Variants in CNTLN observed in about 807,000 individuals in gnomAD.
CNTLN encodes centlein.
CNTLN carries 212 observed loss-of-function variants against 180.0 expected under a neutral mutation model. The ratio of observed to expected loss-of-function variants is 1.18; its 90% CI spans 1.05 to 1.32. The LOEUF (loss-of-function observed/expected upper bound fraction) is 1.32, where lower values mean the gene tolerates loss of function less well. Ranked by LOEUF, CNTLN falls within the 40% of genes most tolerant of loss-of-function variation. CNTLN has a pLI of 0.00. For synonymous variants in CNTLN, 722 were observed against 563.1 expected (o/e 1.28, Z -3.99); for missense variants, 2,095 against 1,610.9 (o/e 1.30, Z -5.14).
intron 13 of CNTLN, among the ~76,000 whole-genome samples, chr9:17,370,050 C>G (rs370963674): frequency 1.3e-5 from 2 of 149,738 alleles, no homozygotes; most frequent in African/African-American, 4.9e-5. Context: ...AGCATGCCTA[C>G]AAGATTAATG....
chr9:17,237,510 T>G (rs926595648), intron 5 of CNTLN, among the ~76,000 whole-genome samples: 8 of 150,840 alleles, frequency 5.3e-5, no homozygotes, highest in African/African-American at 2.0e-4. Flanking sequence ...AAAGTAACAA[T>G]ACAATAATTA....
chr9:17,198,988 A>G (rs995605207), intron 2 of CNTLN, among the ~76,000 whole-genome samples: 4 of 152,124 alleles, frequency 2.6e-5, no homozygotes, highest in African/African-American at 9.7e-5. Context: ...TACAATAAAC[A>G]TACATGTGCA....
intron 6 of CNTLN, among the ~76,000 whole-genome samples, chr9:17,291,842 G>T (rs532231564): frequency 6.6e-6 from 1 of 152,198 alleles, no homozygotes; most frequent in Admixed American, 6.5e-5. Context: ...ATTTGATCCT[G>T]TTATGATGGT....
At chr9:17,261,931 TCTC>T (rs1196248109) in intron 5 of CNTLN, among the ~76,000 whole-genome samples, 1 of 151,474 alleles carries the variant, frequency 6.6e-6, no homozygotes, top group Non-Finnish European at 1.5e-5. Flanking sequence ...AACAGACACT[TCTC>T]CTTCAAAAGT....
the CNTLN span, among the ~76,000 whole-genome samples, chr9:17,521,007 A>G: frequency 6.6e-6 from 1 of 152,204 alleles, no homozygotes; most frequent in East Asian, 1.9e-4. Context: ...TACTTGCACT[A>G]GAATTGAAAA....
intron 2 of CNTLN, among the ~76,000 whole-genome samples, chr9:17,149,512 C>CTTTTTTTTTTTTTTTTTTTTTTTTT (rs55691769): frequency 1.9e-5 from 2 of 106,156 alleles, no homozygotes; most frequent in African/African-American, 3.8e-5. Context: ...TTCTTTCTTT[C>CTTTTTTTTTTTTTTTTTTTTTTTTT]TTTTTTTTTT....
chr9:17,287,932 A>G (rs1316750985), intron 6 of CNTLN, among the ~76,000 whole-genome samples: 4 of 142,944 alleles, frequency 2.8e-5, no homozygotes, highest in Non-Finnish European at 4.5e-5. Flanking sequence ...TGGTCTATCA[A>G]TTTTGTTGAT....
chr9:17,432,532 A>G (rs1037208542), intron 18 of CNTLN, among the ~76,000 whole-genome samples: 5 of 152,206 alleles, frequency 3.3e-5, no homozygotes, highest in Admixed American at 2.0e-4. Context: ...GGGAAAAAGA[A>G]GGTCTGTCAT....
intron 25 of CNTLN, among the ~76,000 whole-genome samples, chr9:17,489,759 C>G (rs547330609): frequency 6.6e-6 from 1 of 152,068 alleles, no homozygotes; most frequent in Non-Finnish European, 1.5e-5. Flanking sequence ...TGATACAGAA[C>G]TCAGATATAT....
chr9:17,518,826 T>C, the CNTLN span, among the ~76,000 whole-genome samples: 2 of 152,200 alleles, frequency 1.3e-5, no homozygotes, highest in African/African-American at 4.8e-5. Context: ...CTCTGGGAGC[T>C]GGGACCCCAA....
chr9:17,408,158 A>AACAG (rs1827551413), intron 15 of CNTLN, among the ~76,000 whole-genome samples: 1 of 137,010 alleles, frequency 7.3e-6, no homozygotes, highest in Non-Finnish European at 1.5e-5. Flanking sequence ...AAAAAGACCA[A>AACAG]GGAGATAAGG....
At chr9:17,354,198 C>A (rs111286288) in intron 12 of CNTLN, among the ~76,000 whole-genome samples, 4 of 152,320 alleles carry the variant, frequency 2.6e-5, no homozygotes, top group Admixed American at 2.6e-4. Context: ...ACCTGCAGCC[C>A]GCCATGCCTG....
At chr9:17,295,406 C>G (rs1382265307) in intron 6 of CNTLN, among the ~76,000 whole-genome samples, 2 of 152,206 alleles carry the variant, frequency 1.3e-5, no homozygotes, top group African/African-American at 4.8e-5. Flanking sequence ...AGGTCGATCA[C>G]TCACCATTTC....
chr9:17,177,674 C>G (rs1820810675), intron 2 of CNTLN, among the ~76,000 whole-genome samples: 1 of 151,684 alleles, frequency 6.6e-6, no homozygotes, highest in South Asian at 2.1e-4. Context: ...GGCAGCACAT[C>G]CGGAGTTGTT....
intron 2 of CNTLN, among the ~76,000 whole-genome samples, chr9:17,215,296 G>T (rs1823658183): frequency 6.6e-6 from 1 of 152,246 alleles, no homozygotes; most frequent in Non-Finnish European, 1.5e-5. Context: ...CTGCATGTCT[G>T]TTGGAGTTTA....
rs1020390553 is a variant in CNTLN, at chr9:17,252,685, T to G, written c.849+16097T>G. 3.3e-5 allele frequency among the ~76,000 whole-genome samples: 5 copies of G among 151,862 alleles called. No individual in the cohort carries two copies. In the South Asian group the frequency reaches 1.0e-3, roughly 31 times the overall value. ...AGTATTTTAACTCATTCAAAAGGTT[T>G]CTTGCTACTTTGAAGATTGTCTGTT... On this transcript the variant is annotated intron_variant, in intron 5 of 25. Transcript: ENST00000380647.
chr9:17,261,485 G>A (rs916608874), intron 5 of CNTLN, among the ~76,000 whole-genome samples: 4 of 151,258 alleles, frequency 2.6e-5, no homozygotes, highest in Non-Finnish European at 5.9e-5. Context: ...AACATTATTG[G>A]GATTTAGAAA....
intron 18 of CNTLN, among the ~76,000 whole-genome samples, chr9:17,438,097 A>G (rs1436539697): frequency 1.3e-5 from 2 of 152,140 alleles, no homozygotes; most frequent in Non-Finnish European, 2.9e-5. Flanking sequence ...CACCTAGGGA[A>G]CTTTGAAAAA....
At chr9:17,263,963 G>A (rs937911845) in intron 5 of CNTLN, among the ~76,000 whole-genome samples, 39 of 143,322 alleles carry the variant, frequency 2.7e-4, no homozygotes, top group Admixed American at 1.9e-3. Flanking sequence ...AGATGAGTAG[G>A]TTGCGAAAAT....
Sources: gnomAD v4.1 joint callset for allele counts (sites outside exome capture counted in the v4.1 genomes callset) on GRCh38, gnomAD v4.1.1 for gene constraint, MANE v1.5 for transcripts, NCBI Gene and HGNC (gene_info 2026-07-23, HGNC 2026-07-21) for gene names.